CDH13: variants seen among roughly 807,000 people sequenced by gnomAD.
The protein encoded by CDH13 is cadherin-13.
Under a neutral mutation model 63.8 loss-of-function variants are expected in CDH13, and 24 were observed. The ratio of observed to expected loss-of-function variants is 0.38; its 90% CI spans 0.27 to 0.53. CDH13 has a LOEUF of 0.53. Ranked by LOEUF, CDH13 falls within the 20% of genes least tolerant of loss-of-function variation. The probability of loss-of-function intolerance (pLI) is 0.85; values close to 1 mark genes in which losing one functional copy is unlikely to be tolerated. For synonymous variants in CDH13, 503 were observed against 355.3 expected (o/e 1.42, Z -4.67); for missense variants, 1,049 against 903.1 (o/e 1.16, Z -2.07).
intron 2 of CDH13, among the ~76,000 whole-genome samples, chr16:82,891,046 T>C (rs992238270): frequency 1.6e-5 from 1 of 64,402 alleles, no homozygotes; most frequent in Admixed American, 1.8e-4. Flanking sequence ...GGTTTTTTTT[T>C]TTTTTTTTAA....
At chr16:83,108,864 AGCTCCCTT>A (rs1202009028) in intron 3 of CDH13, among the ~76,000 whole-genome samples, 1 of 152,110 alleles carries the variant, frequency 6.6e-6, no homozygotes, top group East Asian at 1.9e-4. Context: ...TAAATCCCCC[AGCTCCCTT>A]GCCCTTCCGA....
intron 3 of CDH13, among the ~76,000 whole-genome samples, chr16:83,096,692 A>G (rs1418896384): frequency 1.3e-5 from 2 of 152,172 alleles, no homozygotes. Context: ...GAGTGCAATT[A>G]TATGTTGGGA....
At chr16:83,521,554 A>G (rs1386366739) in intron 7 of CDH13, among the ~76,000 whole-genome samples, 1 of 152,372 alleles carries the variant, frequency 6.6e-6, no homozygotes, top group Admixed American at 6.5e-5. Flanking sequence ...TTGGATGAGA[A>G]TATTGTTAAA....
At chr16:83,051,188 C>A (rs949230422) in intron 3 of CDH13, among the ~76,000 whole-genome samples, 11 of 152,194 alleles carry the variant, frequency 7.2e-5, no homozygotes, top group Admixed American at 2.0e-4. Context: ...TGAGCCACAA[C>A]GAAATGAGTC....
chr16:82,857,935 T>A (rs931096643), intron 1 of CDH13, among the ~76,000 whole-genome samples: 4 of 152,222 alleles, frequency 2.6e-5, no homozygotes, highest in African/African-American at 9.6e-5. Context: ...GGATTCCTTT[T>A]AGAAGTAAAT....
rs16960279 is a variant in CDH13 at position 83,349,345 on chromosome 16, G to A, written c.781+4339G>A. Among the ~76,000 whole-genome samples the A allele has an allele frequency of 3.9e-5, 6 of 152,194 alleles. No individual in the cohort carries two copies. In the East Asian group the frequency reaches 7.7e-4, roughly 20 times the overall value. ...TGAGAACTCTTGAAATTCCTGGAGG[G>A]CACTAATTCCAAGGCCCCATCATGT... is the stretch of plus-strand genomic sequence containing the variant. On this transcript the variant is annotated intron_variant, in intron 6 of 13. Transcript: ENST00000567109.
At chr16:83,313,780 G>C (rs960200187) in intron 5 of CDH13, among the ~76,000 whole-genome samples, 1 of 151,898 alleles carries the variant, frequency 6.6e-6, no homozygotes, top group Non-Finnish European at 1.5e-5. Flanking sequence ...TTAAACAATA[G>C]TGTCTGGAAT....
At chr16:83,410,623 C>T (rs2092111923) in intron 6 of CDH13, among the ~76,000 whole-genome samples, 1 of 152,076 alleles carries the variant, frequency 6.6e-6, no homozygotes, top group Non-Finnish European at 1.5e-5. Context: ...ATTTTTCCTT[C>T]CTTCTTTTAT....
intron 1 of CDH13, among the ~76,000 whole-genome samples, chr16:82,801,377 C>G (rs1210861589): frequency 1.3e-5 from 2 of 152,294 alleles, no homozygotes; most frequent in South Asian, 4.1e-4. Flanking sequence ...TCTGTGGATT[C>G]AAATGCTTTA....
At chr16:83,426,414 A>AATTCCAAT (rs2071896890) in intron 6 of CDH13, among the ~76,000 whole-genome samples, 1 of 151,978 alleles carries the variant, frequency 6.6e-6, no homozygotes, top group African/African-American at 2.4e-5. Flanking sequence ...CAACTACTCT[A>AATTCCAAT]ATTCCAATAT....
chr16:83,653,774 C>T (rs1209684247), intron 8 of CDH13, among the ~76,000 whole-genome samples: 1 of 152,172 alleles, frequency 6.6e-6, no homozygotes, highest in Non-Finnish European at 1.5e-5. Context: ...ATTTATGTAT[C>T]TATGTAGCAT....
At chr16:82,849,865 T>A (rs183188554) in intron 1 of CDH13, among the ~76,000 whole-genome samples, 1 of 152,358 alleles carries the variant, frequency 6.6e-6, no homozygotes, top group East Asian at 1.9e-4. Context: ...TGACAGTACA[T>A]CTGTTTACAA....
Position 83,104,052 on chromosome 16 carries a change from C to G in CDH13, c.367-21333C>G, listed in dbSNP as rs545107178. Among the ~76,000 whole-genome samples, 18 of 152,292 alleles carry G rather than the reference C, an allele frequency of 1.2e-4. No individual in the cohort carries two copies. In the South Asian group the frequency reaches 3.5e-3, roughly 30 times the overall value. On this transcript the variant is annotated intron_variant, in intron 3 of 13. Transcript: ENST00000567109. ...TAGTTGCTGTATTTGCCAATGCAGA[C>G]TTTGAAGAAGGAGACTGATCCTTCT...
intron 8 of CDH13, among the ~76,000 whole-genome samples, chr16:83,606,301 C>T (rs944919690): frequency 1.1e-4 from 16 of 152,184 alleles, no homozygotes; most frequent in African/African-American, 3.9e-4. Context: ...TTCTATCTTA[C>T]ATGACTTTCC....
intron 2 of CDH13, among the ~76,000 whole-genome samples, chr16:82,875,162 T>C (rs895167514): frequency 6.6e-6 from 1 of 152,222 alleles, no homozygotes; most frequent in African/African-American, 2.4e-5. Flanking sequence ...CACAAAGTTT[T>C]TGCGTATGAC....
At chr16:83,178,648 A>C (rs1172914589) in intron 4 of CDH13, among the ~76,000 whole-genome samples, 1 of 152,138 alleles carries the variant, frequency 6.6e-6, no homozygotes, top group Non-Finnish European at 1.5e-5. Context: ...ATTTAAATGG[A>C]GTGTGTAATT....
intron 6 of CDH13, among the ~76,000 whole-genome samples, chr16:83,375,067 CT>C (rs1463896984): frequency 6.6e-6 from 1 of 152,158 alleles, no homozygotes; most frequent in Non-Finnish European, 1.5e-5. Context: ...AATTTCCTCT[CT>C]TTAAGTTTCT....
intron 1 of CDH13, among the ~76,000 whole-genome samples, chr16:82,763,829 C>T (rs565236798): frequency 1.5e-4 from 23 of 152,176 alleles, no homozygotes; most frequent in Non-Finnish European, 2.5e-4. Flanking sequence ...ACTATAGGTG[C>T]ACACCACCAC....
chr16:82,659,657 G>A (rs182440344), intron 1 of CDH13, among the ~76,000 whole-genome samples: 4 of 152,290 alleles, frequency 2.6e-5, no homozygotes, highest in Non-Finnish European at 5.9e-5. Context: ...GCCAGGTACT[G>A]TGCGAGGCAC....
Sources: gnomAD v4.1 joint callset for allele counts (sites outside exome capture counted in the v4.1 genomes callset) on GRCh38, gnomAD v4.1.1 for gene constraint, MANE v1.5 for transcripts, NCBI Gene and HGNC (gene_info 2026-07-23, HGNC 2026-07-21) for gene names.